Variants in SPRED2 observed in about 807,000 individuals in gnomAD.
SPRED2 encodes sprouty related EVH1 domain containing 2, also known as sprouty-related, EVH1 domain-containing protein 2.
Under a neutral mutation model 43.0 loss-of-function variants are expected in SPRED2, and 47 were observed. That is an observed-to-expected ratio of 1.09 (90% CI 0.87 to 1.40). The LOEUF (loss-of-function observed/expected upper bound fraction) is 1.40. Ranked by LOEUF, SPRED2 falls within the 40% of genes most tolerant of loss-of-function variation. The probability of loss-of-function intolerance (pLI) is 0.00; values close to 1 mark genes in which losing one functional copy is unlikely to be tolerated. For missense variants in SPRED2, 561 were observed against 586.4 expected, an observed-to-expected ratio of 0.96 and a Z score of 0.45; for synonymous variants, 225 against 225.7, an observed-to-expected ratio of 1.00 and a Z score of 0.03.
chr2:65,331,955 A>G (rs1673825032), intron 4 of SPRED2, 32 bp downstream of exon 4: 1 of 1,552,552 alleles, frequency 6.4e-7, no homozygotes, highest in Admixed American at 1.8e-5. Flanking sequence ...TTCAACAACT[A>G]ATCTGGAAAG....
intron 1 of SPRED2, among the ~76,000 whole-genome samples, chr2:65,408,715 G>C (rs943831116): frequency 6.6e-6 from 1 of 152,008 alleles, no homozygotes; most frequent in African/African-American, 2.4e-5. Flanking sequence ...TGAGTAGCTG[G>C]GACAATAGTC....
At chr2:65,336,925 G>A (rs888209732) in intron 2 of SPRED2, among the ~76,000 whole-genome samples, 1 of 152,110 alleles carries the variant, frequency 6.6e-6, no homozygotes. Flanking sequence ...TGGCTAACAC[G>A]GTGAAACCTC....
intron 1 of SPRED2, among the ~76,000 whole-genome samples, chr2:65,419,903 T>C (rs1676380117): frequency 6.6e-6 from 1 of 152,066 alleles, no homozygotes. Context: ...ATTCACCTTC[T>C]TCTGAAAGAA....
rs183246092 is a variant in SPRED2 at position 65,314,030 on chromosome 2, G to A, written c.728C>T (p.Pro243Leu). ...HAPVRGKYPDPSEDADSSYVR... is the reference protein window; with the variant it reads ...HAPVRGKYPDLSEDADSSYVR... ...GTAGGAGGAGTCCGCGTCCTCCGAGGGGTCCGGGTACTTGCCCCTGACGGG... is the reference window on the plus strand; with the variant it reads ...GTAGGAGGAGTCCGCGTCCTCCGAGAGGTCCGGGTACTTGCCCCTGACGGG... The change falls in exon 6 of 6, where the codon CCC becomes CTC. Residue 243 changes from proline (P) to leucine (L), a missense_variant. Transcript: ENST00000356388. 5.2e-5 allele frequency: 84 copies of A among 1,614,128 alleles called. No individual in the cohort carries two copies. The Middle Eastern group carries it at 9.9e-4, about 19-fold the overall frequency.
In SPRED2 at chr2:65,344,575, C is replaced by T. The variant is rs1290358048; in HGVS notation, c.204+144G>A. 5 of 1,108,198 alleles carry T rather than the reference C, an allele frequency of 4.5e-6. No homozygotes were observed. The East Asian group carries it at 7.7e-5, about 17-fold the overall frequency. The allele number at this position is 1,108,198 out of a possible 1,614,324, so 68.6% of individuals were successfully genotyped here. A position where few individuals can be genotyped will look rare whatever the true frequency, so the allele number is the denominator to read the frequency against. ...ACGTTTTACAATTTGGCACCAGCTC[C>T]GGGGTTCTAACTTTTGAAGCTTTTG... On this transcript the variant is annotated intron_variant, in intron 2 of 5. Transcript: ENST00000356388.
chr2:65,366,227 C>T (rs1674971225), intron 1 of SPRED2, among the ~76,000 whole-genome samples: 1 of 152,164 alleles, frequency 6.6e-6, no homozygotes, highest in African/African-American at 2.4e-5. Flanking sequence ...AAGCTCTACA[C>T]TACCCACCCA....
intron 4 of SPRED2, among the ~76,000 whole-genome samples, chr2:65,328,328 T>C (rs779234919): frequency 6.6e-6 from 1 of 152,208 alleles, no homozygotes; most frequent in Non-Finnish European, 1.5e-5. Flanking sequence ...AGGAATCTGG[T>C]ATACTGACCA....
intron 1 of SPRED2, among the ~76,000 whole-genome samples, chr2:65,410,848 G>A (rs571202045): frequency 4.6e-5 from 7 of 152,256 alleles, no homozygotes; most frequent in African/African-American, 1.7e-4. Flanking sequence ...AAGATGTAAT[G>A]CAGAGGGTCT....
intron 4 of SPRED2, among the ~76,000 whole-genome samples, chr2:65,327,762 C>T (rs1208571865): frequency 8.4e-5 from 11 of 130,970 alleles, no homozygotes; most frequent in South Asian, 2.3e-4. Context: ...CTCGCTCTGT[C>T]GCCCAGGCTG....
At chr2:65,405,641 G>C (rs13023210) in intron 1 of SPRED2, among the ~76,000 whole-genome samples, 16,569 of 152,218 alleles carry the variant, frequency 0.11, 1,340 homozygotes, top group Non-Finnish European at 0.16. Context: ...TGGGGCTCCT[G>C]AGAACACAAA....
chr2:65,401,934 C>T (rs1221805365), intron 1 of SPRED2, among the ~76,000 whole-genome samples: 19 of 108,222 alleles, frequency 1.8e-4, no homozygotes, highest in East Asian at 5.3e-4. Flanking sequence ...TTAGCGCGCG[C>T]GCGCACACAC....
At chr2:65,375,070 GC>G (rs1267571719) in intron 1 of SPRED2, among the ~76,000 whole-genome samples, 2 of 152,248 alleles carry the variant, frequency 1.3e-5, no homozygotes, top group Non-Finnish European at 2.9e-5. Context: ...CTCAGCAAGA[GC>G]CTGAGAACAT....
intron 1 of SPRED2, among the ~76,000 whole-genome samples, chr2:65,431,387 G>A (rs1393844882): frequency 6.6e-6 from 1 of 151,594 alleles, no homozygotes; most frequent in Non-Finnish European, 1.5e-5. Flanking sequence ...ACGCCGGCCC[G>A]CGCGGGGACC....
intron 2 of SPRED2, among the ~76,000 whole-genome samples, chr2:65,338,815 G>A (rs1229985972): frequency 1.4e-5 from 2 of 144,682 alleles, no homozygotes; most frequent in Admixed American, 6.8e-5. Flanking sequence ...AAAGTGAGGA[G>A]CGTCTCTGCC....
intron 4 of SPRED2, among the ~76,000 whole-genome samples, chr2:65,322,337 A>G (rs1673457472): frequency 8.2e-6 from 1 of 121,712 alleles, no homozygotes; most frequent in Non-Finnish European, 1.6e-5. Context: ...TCCGTTGCCC[A>G]GGCTGGAGTG....
chr2:65,374,116 T>C (rs1445466857), intron 1 of SPRED2: 1 of 152,240 alleles, frequency 6.6e-6, no homozygotes. Flanking sequence ...GTTTTTCTAT[T>C]TATTCATTCC....
At position 65,430,956 on chromosome 2, in the gene SPRED2, CT is replaced by C. The variant is rs1271278473; in HGVS notation, c.26+1005del. ...GACCGCTCAAACCCCAGGCATAAGACTTGAGGCGTCGGGCCCCGCGGCCCCG... is the reference window on the plus strand; with the variant it reads ...GACCGCTCAAACCCCAGGCATAAGACTGAGGCGTCGGGCCCCGCGGCCCCG... On this transcript the variant is annotated intron_variant, in intron 1 of 5. Transcript: ENST00000356388. 2.6e-5 allele frequency among the ~76,000 whole-genome samples: 4 copies of C among 152,258 alleles called. No individual in the cohort carries two copies. In the South Asian group the frequency reaches 8.3e-4, roughly 32 times the overall value.
At chr2:65,318,296 G>A (rs1384428495) in intron 4 of SPRED2, among the ~76,000 whole-genome samples, 3 of 152,030 alleles carry the variant, frequency 2.0e-5, no homozygotes, top group African/African-American at 4.8e-5. Context: ...CCCGGTCTCC[G>A]GTATGTCTTT....
In SPRED2 at chr2:65,393,409, G is replaced by A. The variant is rs1450322446; in HGVS notation, c.26+38553C>T. The stretch of plus-strand genomic sequence containing the variant: ...TGCAGTGGCACAATCTCGGCTCACT[G>A]CAACCTTCACCTCCCGGGTTCAAGT... On this transcript the variant is annotated intron_variant, in intron 1 of 5. Transcript: ENST00000356388. Among the ~76,000 whole-genome samples the A allele has an allele frequency of 3.3e-5, 5 of 149,368 alleles. No individual in the cohort carries two copies. In the Admixed American group the frequency reaches 3.4e-4, roughly 10 times the overall value.
Sources: allele counts gnomAD v4.1 joint callset (sites outside exome capture counted in the v4.1 genomes callset), GRCh38; gene constraint gnomAD v4.1.1; transcripts MANE v1.5; gene names NCBI Gene and HGNC (gene_info 2026-07-23, HGNC 2026-07-21).